Variants in IMMP2L observed in about 807,000 individuals in gnomAD.
The protein encoded by IMMP2L is inner mitochondrial membrane peptidase subunit 2, also known as mitochondrial inner membrane protease subunit 2.
A neutral mutation model predicts 19.3 loss-of-function variants in IMMP2L; 18 were observed. The ratio of observed to expected loss-of-function variants is 0.93; its 90% CI spans 0.64 to 1.38. IMMP2L has a LOEUF of 1.38. IMMP2L is among the 40% of genes most tolerant of loss of function. The pLI, the probability that IMMP2L is intolerant of heterozygous loss-of-function variation, is 0.00. For synonymous variants in IMMP2L, 76 were observed against 73.0 expected, an observed-to-expected ratio of 1.04 and a Z score of -0.21; for missense variants, 233 against 218.2, an observed-to-expected ratio of 1.07 and a Z score of -0.43.
chr7:111,053,705 C>T (rs1435888347), intron 3 of IMMP2L, among the ~76,000 whole-genome samples: 1 of 152,120 alleles, frequency 6.6e-6, no homozygotes, highest in Non-Finnish European at 1.5e-5. Context: ...AGAGGACATA[C>T]ATTATAGTAG....
intron 3 of IMMP2L, among the ~76,000 whole-genome samples, chr7:111,192,508 G>A (rs1808999058): frequency 6.6e-6 from 1 of 152,200 alleles, no homozygotes; most frequent in South Asian, 2.1e-4. Flanking sequence ...AAAACTTAGT[G>A]TGTAAAATAC....
At chr7:111,157,702 T>C (rs771475892) in intron 3 of IMMP2L, among the ~76,000 whole-genome samples, 1 of 152,068 alleles carries the variant, frequency 6.6e-6, no homozygotes, top group East Asian at 1.9e-4. Flanking sequence ...TAATTTATTG[T>C]ACATTTAAAA....
intron 3 of IMMP2L, among the ~76,000 whole-genome samples, chr7:111,160,040 G>T (rs1805080534): frequency 6.6e-6 from 1 of 151,948 alleles, no homozygotes. Context: ...ATTCTTAAGG[G>T]TATTTTAGTA....
At chr7:111,259,222 G>C (rs923996266) in intron 3 of IMMP2L, among the ~76,000 whole-genome samples, 8 of 152,094 alleles carry the variant, frequency 5.3e-5, no homozygotes, top group Non-Finnish European at 1.0e-4. Flanking sequence ...AGTTGCTCTG[G>C]GTCAATCAGT....
chr7:111,059,960 A>G (rs1015616459), intron 3 of IMMP2L, among the ~76,000 whole-genome samples: 1 of 151,930 alleles, frequency 6.6e-6, no homozygotes, highest in African/African-American at 2.4e-5. Flanking sequence ...TCTTCTTGCC[A>G]GAATCCAAGT....
At chr7:111,004,339 T>C (rs1273468883) in intron 3 of IMMP2L, among the ~76,000 whole-genome samples, 2 of 152,170 alleles carry the variant, frequency 1.3e-5, no homozygotes, top group African/African-American at 2.4e-5. Context: ...TTTATTTTTA[T>C]ATTTTTGTAG....
intron 4 of IMMP2L, among the ~76,000 whole-genome samples, chr7:110,908,040 C>G (rs1812656534): frequency 6.6e-6 from 1 of 152,144 alleles, no homozygotes; most frequent in African/African-American, 2.4e-5. Context: ...ATACATTTTT[C>G]TCTGCAGTTG....
chr7:111,515,474 C>T (rs186734349), intron 2 of IMMP2L, among the ~76,000 whole-genome samples: 2 of 152,190 alleles, frequency 1.3e-5, no homozygotes, highest in Admixed American at 6.5e-5. Context: ...GCCATTGAAA[C>T]CAAAAGCTCT....
chr7:111,133,818 A>C (rs1802073251), intron 3 of IMMP2L, among the ~76,000 whole-genome samples: 1 of 152,014 alleles, frequency 6.6e-6, no homozygotes. Context: ...CCCTAATCTG[A>C]AATCACACAT....
intron 2 of IMMP2L, among the ~76,000 whole-genome samples, chr7:111,511,245 A>T (rs1845407888): frequency 6.6e-6 from 1 of 152,096 alleles, no homozygotes; most frequent in South Asian, 2.1e-4. Context: ...GAACCACAGG[A>T]CTTGAGAAAT....
At chr7:111,067,507 A>AT (rs952950313) in intron 3 of IMMP2L, among the ~76,000 whole-genome samples, 3 of 152,192 alleles carry the variant, frequency 2.0e-5, no homozygotes, top group African/African-American at 7.2e-5. Flanking sequence ...TGGCTGTGTC[A>AT]TTTTTTGATA....
At chr7:111,103,131 A>G (rs1053228194) in intron 3 of IMMP2L, among the ~76,000 whole-genome samples, 3 of 151,624 alleles carry the variant, frequency 2.0e-5, no homozygotes, top group Non-Finnish European at 4.4e-5. Flanking sequence ...AATTTTAACA[A>G]TATCTATTAG....
At chr7:110,846,366 T>TTTTTTTTG in intron 5 of IMMP2L, among the ~76,000 whole-genome samples, 2 of 113,144 alleles carry the variant, frequency 1.8e-5, no homozygotes, top group Middle Eastern at 4.2e-3. Flanking sequence ...TTTTTTTTTT[T>TTTTTTTTG]TTGTTGTTGT....
chr7:111,512,620 A>T (rs1845551416), intron 2 of IMMP2L, among the ~76,000 whole-genome samples: 1 of 152,144 alleles, frequency 6.6e-6, no homozygotes, highest in Admixed American at 6.6e-5. Context: ...TCCTAAATTC[A>T]TATGGAACCA....
In IMMP2L at chr7:110,963,537, T is replaced by C. The variant is rs1301790767; in HGVS notation, c.268A>G (p.Ile90Val). The change falls in exon 4 of 6, where the codon ATT (isoleucine) becomes GTT (valine). Residue 90 changes from isoleucine to valine, a missense_variant. Coordinates refer to ENST00000405709, the MANE Select transcript of IMMP2L (RefSeq NM_032549.4). ...VSPKNPEQKIIKRVIALEGDI... is the reference protein window; with the variant it reads ...VSPKNPEQKIVKRVIALEGDI... Reference sequence around the variant, plus strand: ...CCTTCAAGAGCAATCACTCTCTTAATGATCTTCTGTTCTGGGTTTTTAGGA... The same window carrying C: ...CCTTCAAGAGCAATCACTCTCTTAACGATCTTCTGTTCTGGGTTTTTAGGA... 6.2e-7 allele frequency: 1 copy of C among 1,603,406 alleles called. No individual in the cohort carries two copies. Among genetic ancestry groups the C allele is most frequent in the Non-Finnish European group, 8.5e-7 (1 of 1,172,116 alleles).
intron 4 of IMMP2L, among the ~76,000 whole-genome samples, chr7:110,897,584 C>G (rs549888999): frequency 1.2e-3 from 179 of 152,258 alleles, no homozygotes; most frequent in Non-Finnish European, 2.1e-4. Context: ...TCTAGCAATT[C>G]TGCTCCTGGG....
intron 3 of IMMP2L, among the ~76,000 whole-genome samples, chr7:111,386,683 C>A (rs567057708): frequency 1.4e-4 from 22 of 152,212 alleles, no homozygotes; most frequent in Non-Finnish European, 2.9e-4. Flanking sequence ...AAAAGAATAA[C>A]ACAAGCCTTC....
chr7:111,072,271 A>T (rs1795019609), intron 3 of IMMP2L, among the ~76,000 whole-genome samples: 1 of 152,232 alleles, frequency 6.6e-6, no homozygotes, highest in Non-Finnish European at 1.5e-5. Context: ...GTGACTGCAA[A>T]ACTATTTCAT....
chr7:111,253,176 C>T (rs567613176), intron 3 of IMMP2L, among the ~76,000 whole-genome samples: 1 of 152,222 alleles, frequency 6.6e-6, no homozygotes, highest in South Asian at 2.1e-4. Context: ...ATCTGTTATT[C>T]CTCCATTAAA....
Sources: allele counts gnomAD v4.1 joint callset (sites outside exome capture counted in the v4.1 genomes callset), GRCh38; gene constraint gnomAD v4.1.1; transcripts MANE v1.5; gene names NCBI Gene and HGNC (gene_info 2026-07-23, HGNC 2026-07-21).